PDE12: variants seen among roughly 807,000 people sequenced by gnomAD.
PDE12 encodes phosphodiesterase 12.
Under a neutral mutation model 45.4 loss-of-function variants are expected in PDE12, and 26 were observed. The ratio of observed to expected loss-of-function variants is 0.57; its 90% CI spans 0.42 to 0.79. The LOEUF is 0.79. Among genes scored for constraint, PDE12 ranks in the 30% least tolerant of loss-of-function variants. The probability of loss-of-function intolerance (pLI) is 0.00; values close to 1 mark genes in which losing one functional copy is unlikely to be tolerated. For synonymous variants in PDE12, 283 were observed against 323.9 expected, an observed-to-expected ratio of 0.87 and a Z score of 1.36; for missense variants, 668 against 790.0, an observed-to-expected ratio of 0.85 and a Z score of 1.85.
the PDE12 span, among the ~76,000 whole-genome samples, chr3:57,603,281 T>G: frequency 6.6e-6 from 1 of 152,178 alleles, no homozygotes; most frequent in Middle Eastern, 3.2e-3. Flanking sequence ...AAAATCTCCC[T>G]CCCCTTGCCC....
the PDE12 span, among the ~76,000 whole-genome samples, chr3:57,588,084 A>C: frequency 2.0e-5 from 3 of 152,214 alleles, no homozygotes; most frequent in African/African-American, 7.2e-5. Flanking sequence ...AAATTTCTCC[A>C]CAAAATGAAA....
the PDE12 span, among the ~76,000 whole-genome samples, chr3:57,590,101 A>G: frequency 7.0e-6 from 1 of 143,282 alleles, no homozygotes; most frequent in Non-Finnish European, 1.5e-5. Context: ...ATAAATAAAT[A>G]AATAAATAAA....
the PDE12 span, chr3:57,628,802 G>C: frequency 6.2e-7 from 1 of 1,608,472 alleles, no homozygotes; most frequent in East Asian, 2.2e-5. Context: ...GGCTGTTTTG[G>C]CTACATACCA....
At chr3:57,584,824 C>A in the PDE12 span, among the ~76,000 whole-genome samples, 5 of 143,078 alleles carry the variant, frequency 3.5e-5, no homozygotes, top group Admixed American at 1.4e-4. Flanking sequence ...AGATCTCTTC[C>A]AATTAAATTC....
At chr3:57,650,295 A>T in the PDE12 span, among the ~76,000 whole-genome samples, 1 of 152,092 alleles carries the variant, frequency 6.6e-6, no homozygotes, top group Non-Finnish European at 1.5e-5. Context: ...TTTGAAATAA[A>T]CAAAAAACCT....
the PDE12 span, among the ~76,000 whole-genome samples, chr3:57,581,078 T>A: frequency 6.6e-6 from 1 of 152,212 alleles, no homozygotes; most frequent in Non-Finnish European, 1.5e-5. Flanking sequence ...ATGAAATTAT[T>A]TGAAAAGCCA....
At chr3:57,578,255 A>G in the PDE12 span, among the ~76,000 whole-genome samples, 44 of 151,768 alleles carry the variant, frequency 2.9e-4, no homozygotes, top group African/African-American at 1.0e-3. Flanking sequence ...TAAGAAAATG[A>G]TAGCAAGAAA....
the PDE12 span, among the ~76,000 whole-genome samples, chr3:57,656,181 T>C: frequency 2.0e-5 from 3 of 152,200 alleles, no homozygotes; most frequent in African/African-American, 4.8e-5. Flanking sequence ...CCTTATGTAG[T>C]AGATTTCCTC....
At chr3:57,645,744 T>C in the PDE12 span, 16 of 1,612,600 alleles carry the variant, frequency 9.9e-6, no homozygotes, top group East Asian at 3.3e-4. Flanking sequence ...AGTACTTTAA[T>C]GGAGAAATAC....
At chr3:57,603,660 T>C in the PDE12 span, among the ~76,000 whole-genome samples, 1 of 148,320 alleles carries the variant, frequency 6.7e-6, no homozygotes, top group African/African-American at 2.5e-5. Context: ...TTCGCTCTTA[T>C]TGCCCAGGCT....
the PDE12 span, chr3:57,596,710 C>T: frequency 8.3e-6 from 2 of 241,678 alleles, no homozygotes; most frequent in South Asian, 4.6e-5. Flanking sequence ...CACACCCGGG[C>T]AAGAAGGTAT....
the PDE12 span, among the ~76,000 whole-genome samples, chr3:57,633,064 G>A: frequency 6.6e-6 from 1 of 152,202 alleles, no homozygotes; most frequent in African/African-American, 2.4e-5. Context: ...GGGTCAGAGA[G>A]AGGGAGTGAC....
the PDE12 span, among the ~76,000 whole-genome samples, chr3:57,649,401 T>G: frequency 6.6e-6 from 1 of 152,056 alleles, no homozygotes; most frequent in African/African-American, 2.4e-5. Context: ...TTTACACTGT[T>G]GGTAGAAATG....
At chr3:57,579,070 GTGGATCACC>G in the PDE12 span, among the ~76,000 whole-genome samples, 1 of 151,832 alleles carries the variant, frequency 6.6e-6, no homozygotes, top group South Asian at 2.1e-4. Flanking sequence ...GCCGAGGCAG[GTGGATCACC>G]TGAGATCAGG....
rs1258363328 is a variant in PDE12, at chr3:57,557,468, C to T, written c.1089C>T (p.Pro363=). 6.2e-7 allele frequency: 1 copy of T among 1,613,894 alleles called. No homozygotes were observed. The highest frequency in any genetic ancestry group is 1.7e-5 in the Admixed American group (1 of 59,968). Residue 363 remains proline, a synonymous_variant, in exon 1 of 3, where the codon CCC becomes CCT. Transcript: ENST00000311180. Reference sequence around the variant, plus strand: ...CAGTGTTTTCTGACAGCTTGGTACCCGCCCTAGAGGCCTTCGGGCTCGAGG... The same window carrying T: ...CAGTGTTTTCTGACAGCTTGGTACCTGCCCTAGAGGCCTTCGGGCTCGAGG... ...DRAVFSDSLV[P]ALEAFGLEGV...
At chr3:57,618,612 T>TTTTTG in the PDE12 span, among the ~76,000 whole-genome samples, 44 of 119,578 alleles carry the variant, frequency 3.7e-4, no homozygotes, top group Admixed American at 3.0e-3. Context: ...TTTGTGTTTT[T>TTTTTG]TTTTTTTTTT....
rs748024587 is a variant in PDE12 at position 57,560,964 on chromosome 3, G to A, written c.*960G>A. On this transcript the variant is annotated 3_prime_UTR_variant, in exon 3 of 3. Coordinates refer to ENST00000311180, the MANE Select transcript of PDE12 (RefSeq NM_177966.7). ...TGCTTCTCATCTTTCATTTTTCAATGAACAAGTAAGGTATTTTCATTCTTA... is the reference window on the plus strand; with the variant it reads ...TGCTTCTCATCTTTCATTTTTCAATAAACAAGTAAGGTATTTTCATTCTTA... 156 of 977,408 alleles carry A rather than the reference G, an allele frequency of 1.6e-4. 1 individual carries two copies. The highest frequency in any genetic ancestry group is 1.7e-4 in the Non-Finnish European group (141 of 822,460). The allele number at this position is 977,408 out of a possible 1,614,324, so 60.5% of individuals were successfully genotyped here.
the PDE12 span, chr3:57,572,390 C>T: frequency 1.1e-6 from 1 of 948,490 alleles, no homozygotes; most frequent in Non-Finnish European, 1.6e-6. Context: ...AGAGTCTTTT[C>T]ACACCTCTTG....
chr3:57,587,875 A>G, the PDE12 span, among the ~76,000 whole-genome samples: 1 of 152,204 alleles, frequency 6.6e-6, no homozygotes, highest in Non-Finnish European at 1.5e-5. Context: ...ATGCAGTTGT[A>G]TCAAAAATAA....
Sources: allele counts gnomAD v4.1 joint callset (sites outside exome capture counted in the v4.1 genomes callset), GRCh38; gene constraint gnomAD v4.1.1; transcripts MANE v1.5; gene names NCBI Gene and HGNC (gene_info 2026-07-23, HGNC 2026-07-21).